The following LHFPL1 variants were observed in gnomAD, a reference collection of about 807,000 sequenced individuals.
LHFPL1 encodes the protein LHFPL tetraspan subfamily member 1.
In LHFPL1, 4 loss-of-function variants were observed where a neutral mutation model predicts 12.1. The ratio of observed to expected loss-of-function variants is 0.33; its 90% CI spans 0.16 to 0.76. The LOEUF is 0.76. Among genes scored for constraint, LHFPL1 ranks in the 30% least tolerant of loss-of-function variants. LHFPL1 has a pLI of 0.61. For missense variants in LHFPL1, 141 were observed against 174.1 expected (o/e 0.81, Z 1.07); for synonymous variants, 52 against 61.9 (o/e 0.84, Z 0.75).
intron 2 of LHFPL1, among the ~76,000 whole-genome samples, chrX:112,670,481 C>A (rs1004495297): frequency 1.8e-5 from 2 of 112,311 alleles, no homozygotes; most frequent in African/African-American, 6.5e-5. Context: ...ACAGGGCTAG[C>A]CTTAGATGTG....
intron 2 of LHFPL1, chrX:112,661,687 T>C (rs1230364511): frequency 8.9e-6 from 1 of 112,136 alleles, no homozygotes; most frequent in Non-Finnish European, 1.9e-5. Flanking sequence ...GTTGTCTCAA[T>C]TGATTGTTCA....
rs1931488733 is a variant in LHFPL1, at chrX:112,671,216, G to T, written c.175C>A (p.His59Asn). 1 of 1,210,455 alleles carries T rather than the reference G, an allele frequency of 8.3e-7. No individual in the cohort carries two copies. ...RCNYPVRGEG[H>N]SLIMVEECGR... is the part of the protein sequence containing the mutation. ...CATTCTTCCACCATGATCAGACTGT[G>T]TCCCTCTCCCCGCACAGGGTAGTTG... The change falls in exon 2 of 4, where the codon CAC (histidine) becomes AAC (asparagine). Residue 59 changes from histidine to asparagine, a missense_variant. His to Asn is a moderately conservative substitution (Grantham distance 68). Coordinates refer to ENST00000371968, the MANE Select transcript of LHFPL1 (RefSeq NM_178175.4).
intron 1 of LHFPL1, among the ~76,000 whole-genome samples, chrX:112,677,751 T>A (rs1931692486): frequency 9.0e-6 from 1 of 111,386 alleles, no homozygotes; most frequent in Admixed American, 9.6e-5. Flanking sequence ...CTCCTCTGGC[T>A]ATCTCCATTA....
In LHFPL1 at chrX:112,631,174, G is replaced by T. The variant is rs1230611674; in HGVS notation, c.*246C>A. 2 of 295,021 alleles carry T rather than the reference G, an allele frequency of 6.8e-6. No individual in the cohort carries two copies. The highest frequency in any genetic ancestry group is 6.0e-6 in the Non-Finnish European group (1 of 166,204). The allele number at this position is 295,021 out of a possible 1,213,427, so 24.3% of individuals were successfully genotyped here. A position where few individuals can be genotyped will look rare whatever the true frequency, so the allele number is the denominator to read the frequency against. On this transcript the variant is annotated 3_prime_UTR_variant, in exon 4 of 4. Coordinates refer to ENST00000371968, the MANE Select transcript of LHFPL1 (RefSeq NM_178175.4). ...CTATTTTGCATAAAGGGGTACTTTG[G>T]GTCTTCGGGTTAGCACGACTTGCCA...
intron 3 of LHFPL1, among the ~76,000 whole-genome samples, chrX:112,637,214 C>T (rs368656839): frequency 2.0e-4 from 23 of 112,235 alleles, no homozygotes; most frequent in South Asian, 7.4e-4. Flanking sequence ...AGACACGTTG[C>T]TTTTATTCCA....
At position 112,636,829 on chromosome X, in the gene LHFPL1, C is replaced by A. The variant is rs945088642; in HGVS notation, c.482-5228G>T. On this transcript the variant is annotated intron_variant, in intron 3 of 3. Coordinates refer to ENST00000371968, the MANE Select transcript of LHFPL1 (RefSeq NM_178175.4). ...AGTCCCTTGAGAAACACCAAACTAA[C>A]TGCTTCCTTGCCTTCAGATTAAATG... Among the ~76,000 whole-genome samples the A allele has an allele frequency of 3.6e-5, 4 of 112,255 alleles. No individual in the cohort carries two copies. The East Asian group carries it at 1.1e-3, about 31-fold the overall frequency.
intron 3 of LHFPL1, among the ~76,000 whole-genome samples, chrX:112,657,656 A>C (rs1367903270): frequency 1.8e-5 from 2 of 111,679 alleles, no homozygotes; most frequent in African/African-American, 6.5e-5. Flanking sequence ...CTTTTCAACA[A>C]GGATACCAAG....
rs755985950 is a variant in LHFPL1, at chrX:112,671,023, G to A, written c.368C>T (p.Ala123Val). ...CACAGTCTTACCTCCAACAAACTGC[G>A]CTGCTCCCATGCAACGTCCCATCAT... ...SRMMGRCMGA[A>V]QFVGGLLISS... is the part of the protein sequence containing the mutation. The change falls in exon 2 of 4, where the codon GCG (alanine) becomes GTG (valine). Residue 123 changes from alanine to valine, a missense_variant. By Grantham distance (64) the Ala-to-Val change is moderately conservative (BLOSUM62 0). Transcript: ENST00000371968. The A allele has an allele frequency of 2.1e-5, 25 of 1,208,263 alleles. No homozygotes were observed. The highest frequency in any genetic ancestry group is 5.3e-5 in the African/African-American group (3 of 57,127).
intron 3 of LHFPL1, among the ~76,000 whole-genome samples, chrX:112,633,084 T>C (rs1287844430): frequency 8.9e-6 from 1 of 112,195 alleles, no homozygotes; most frequent in Non-Finnish European, 1.9e-5. Flanking sequence ...GGACAAAATA[T>C]TGGGAGAAAG....
At chrX:112,676,956 C>A (rs1162229602) in intron 1 of LHFPL1, among the ~76,000 whole-genome samples, 2 of 111,848 alleles carry the variant, frequency 1.8e-5, no homozygotes, top group Non-Finnish European at 3.8e-5. Flanking sequence ...GCCTTTTTCC[C>A]CATAATGAGC....
chrX:112,668,603 T>C (rs775409739), intron 2 of LHFPL1, among the ~76,000 whole-genome samples: 2 of 112,893 alleles, frequency 1.8e-5, no homozygotes, highest in Non-Finnish European at 3.7e-5. Context: ...CACGTGGATA[T>C]AGAATGGCAG....
chrX:112,639,134 G>A (rs1024198185), intron 3 of LHFPL1, among the ~76,000 whole-genome samples: 3 of 111,131 alleles, frequency 2.7e-5, no homozygotes, highest in African/African-American at 9.8e-5. Flanking sequence ...CAAAGCCAAC[G>A]AATTCAAGAG....
At chrX:112,656,475 T>C (rs55908613) in intron 3 of LHFPL1, among the ~76,000 whole-genome samples, 11,034 of 111,059 alleles carry the variant, frequency 0.099, 1,354 homozygotes, top group African/African-American at 0.34. Context: ...ATCTCCATTC[T>C]CACAAGTTCT....
At chrX:112,636,874 C>A (rs1198981798) in intron 3 of LHFPL1, among the ~76,000 whole-genome samples, 2 of 111,921 alleles carry the variant, frequency 1.8e-5, no homozygotes, top group African/African-American at 3.2e-5. Context: ...TACTTCCACG[C>A]TAGAATTGTT....
At chrX:112,632,002 A>C (rs1930204429) in intron 3 of LHFPL1, among the ~76,000 whole-genome samples, 2 of 111,582 alleles carry the variant, frequency 1.8e-5, no homozygotes, top group Non-Finnish European at 3.8e-5. Context: ...CCTGTTTTAC[A>C]AAGGACGAAG....
intron 3 of LHFPL1, among the ~76,000 whole-genome samples, chrX:112,654,805 T>C (rs1930952662): frequency 8.9e-6 from 1 of 111,754 alleles, no homozygotes; most frequent in African/African-American, 3.2e-5. Flanking sequence ...TCCATTGTTG[T>C]ATGACAGACT....
At chrX:112,650,599 A>AT (rs2147710077) in intron 3 of LHFPL1, among the ~76,000 whole-genome samples, 1 of 109,979 alleles carries the variant, frequency 9.1e-6, no homozygotes, top group African/African-American at 3.3e-5. Context: ...TGACCCCCAC[A>AT]TTCCTGATTT....
rs1246166453 is a variant in LHFPL1, at chrX:112,678,729, A to G, written c.-15+1100T>C. On this transcript the variant is annotated intron_variant, in intron 1 of 3. Coordinates refer to ENST00000371968, the MANE Select transcript of LHFPL1 (RefSeq NM_178175.4). ...CTTTCAATGCTTGTTCAAAATGCAG[A>G]CTATGTCACCCCCTCCTTGATTCAC... Among the ~76,000 whole-genome samples the G allele has an allele frequency of 8.0e-5, 9 of 112,231 alleles. No individual in the cohort carries two copies. The East Asian group carries it at 2.0e-3, about 25-fold the overall frequency.
chrX:112,651,798 C>A, intron 3 of LHFPL1, among the ~76,000 whole-genome samples: 1 of 112,349 alleles, frequency 8.9e-6, no homozygotes, highest in South Asian at 3.7e-4. Flanking sequence ...CCATTCTCTA[C>A]AACACTGCCA....
Sources: gnomAD v4.1 joint callset for allele counts (sites outside exome capture counted in the v4.1 genomes callset) on GRCh38, gnomAD v4.1.1 for gene constraint, MANE v1.5 for transcripts, NCBI Gene and HGNC (gene_info 2026-07-23, HGNC 2026-07-21) for gene names.